NEXMIF: variants seen among roughly 807,000 people sequenced by gnomAD.
NEXMIF encodes the protein XLMR protein related to neurite extension.
In NEXMIF, 8 loss-of-function variants were observed where a neutral mutation model predicts 62.1. That is an observed-to-expected ratio of 0.13 (90% confidence interval 0.08 to 0.23). NEXMIF has a LOEUF of 0.23. NEXMIF is among the 10% of genes least tolerant of loss of function. NEXMIF has a pLI of 1.00. For missense variants in NEXMIF, 976 were observed against 1,113.3 expected (o/e 0.88, Z 1.75); for synonymous variants, 404 against 416.6 (o/e 0.97, Z 0.37).
At chrX:74,871,942 T>C (rs1008394487) in intron 1 of NEXMIF, among the ~76,000 whole-genome samples, 1 of 111,423 alleles carries the variant, frequency 9.0e-6, no homozygotes, top group Non-Finnish European at 1.9e-5. Context: ...TGAGGTGACA[T>C]ACATCCTCAG....
chrX:74,904,667 C>T (rs778036619), intron 1 of NEXMIF, among the ~76,000 whole-genome samples: 3 of 111,228 alleles, frequency 2.7e-5, no homozygotes, highest in Non-Finnish European at 3.8e-5. Flanking sequence ...ATAATTTTTA[C>T]GATGAAAAAT....
chrX:74,821,391 T>C (rs1280531589), intron 1 of NEXMIF, among the ~76,000 whole-genome samples: 3 of 112,219 alleles, frequency 2.7e-5, no homozygotes, highest in African/African-American at 6.5e-5. Context: ...CAAAAACCTA[T>C]AACTCAAATA....
At chrX:74,808,817 C>T (rs942496725) in intron 1 of NEXMIF, among the ~76,000 whole-genome samples, 1 of 111,942 alleles carries the variant, frequency 8.9e-6, no homozygotes, top group South Asian at 3.7e-4. Flanking sequence ...ATGATCCCTT[C>T]AACTTAAAAT....
At chrX:74,751,499 T>C (rs1488609999) in intron 1 of NEXMIF, among the ~76,000 whole-genome samples, 2 of 109,669 alleles carry the variant, frequency 1.8e-5, no homozygotes, top group Non-Finnish European at 3.8e-5. Context: ...TCTCTTTTTT[T>C]TTTTTTGAAA....
In NEXMIF at chrX:74,741,191, C is replaced by T; in HGVS notation, c.3366G>A (p.Gln1122=). 1 of 1,211,308 alleles carries T rather than the reference C, an allele frequency of 8.3e-7. No individual in the cohort carries two copies. Among genetic ancestry groups the T allele is most frequent in the Non-Finnish European group, 1.1e-6 (1 of 895,372 alleles). Residue 1122 remains glutamine (Q), a synonymous_variant, in exon 3 of 4, where the codon CAG becomes CAA. Coordinates refer to ENST00000055682, the MANE Select transcript of NEXMIF (RefSeq NM_001008537.3). ...IKWDCSTLSR[Q]VQMEDGFTLN... is the part of the protein sequence containing the mutation. ...AAGTAAATCCATCCTCCATTTGGAC[C>T]TGCCGTGAAAGGGTACTGCAGTCCC...
intron 1 of NEXMIF, among the ~76,000 whole-genome samples, chrX:74,829,130 C>G (rs754893271): frequency 6.3e-5 from 7 of 111,907 alleles, no homozygotes; most frequent in Non-Finnish European, 1.3e-4. Context: ...TACATGCATG[C>G]AATGAATAAT....
intron 1 of NEXMIF, among the ~76,000 whole-genome samples, chrX:74,878,728 T>C (rs183068037): frequency 1.5e-4 from 17 of 112,595 alleles, no homozygotes; most frequent in African/African-American, 5.2e-4. Context: ...AAGCGCAGTA[T>C]TCGGGTGGGA....
At chrX:74,863,679 G>T (rs2080566403) in intron 1 of NEXMIF, among the ~76,000 whole-genome samples, 1 of 111,653 alleles carries the variant, frequency 9.0e-6, no homozygotes, top group African/African-American at 3.3e-5. Flanking sequence ...TTCTACCAAA[G>T]GTACAAAGTG....
At chrX:74,847,035 C>A (rs1490033449) in intron 1 of NEXMIF, among the ~76,000 whole-genome samples, 1 of 112,221 alleles carries the variant, frequency 8.9e-6, no homozygotes, top group African/African-American at 3.2e-5. Context: ...CAGGACCCAA[C>A]CTGTACATGG....
At chrX:74,862,827 C>T in intron 1 of NEXMIF, among the ~76,000 whole-genome samples, 1 of 111,045 alleles carries the variant, frequency 9.0e-6, no homozygotes, top group Non-Finnish European at 1.9e-5. Flanking sequence ...CTCTGGAACG[C>T]AGCTAAAGCA....
rs1455414601 is a variant in NEXMIF, at chrX:74,896,160, G to A, written c.-48+28723C>T. ...GCTAAAATTCAATATAAAGCAATAA[G>A]TCCTTCTCCTCAGCAACCACCACTC... On this transcript the variant is annotated intron_variant, in intron 1 of 3. Transcript: ENST00000055682. Among the ~76,000 whole-genome samples the A allele has an allele frequency of 2.7e-5, 3 of 111,443 alleles. No homozygotes were observed. In the Admixed American group the frequency reaches 2.9e-4, roughly 11 times the overall value.
intron 1 of NEXMIF, among the ~76,000 whole-genome samples, chrX:74,891,875 C>A (rs2080718965): frequency 8.9e-6 from 1 of 112,033 alleles, no homozygotes; most frequent in Non-Finnish European, 1.9e-5. Context: ...GACATGGCTC[C>A]TTTCCCCTCA....
chrX:74,831,604 T>A (rs2080437555), intron 1 of NEXMIF, among the ~76,000 whole-genome samples: 1 of 110,719 alleles, frequency 9.0e-6, no homozygotes, highest in Non-Finnish European at 1.9e-5. Context: ...TGTTGGACAT[T>A]TGGGTTGGTT....
intron 1 of NEXMIF, among the ~76,000 whole-genome samples, chrX:74,890,727 G>C (rs1032445498): frequency 3.6e-5 from 4 of 111,288 alleles, no homozygotes; most frequent in Non-Finnish European, 7.5e-5. Flanking sequence ...TATGTCAGAG[G>C]GACAATGCCT....
intron 1 of NEXMIF, among the ~76,000 whole-genome samples, chrX:74,862,010 G>T (rs1387435282): frequency 1.8e-5 from 2 of 111,638 alleles, no homozygotes; most frequent in African/African-American, 6.5e-5. Context: ...AACCTTAAAT[G>T]TAAATGGACT....
At chrX:74,918,652 A>G (rs1286126198) in intron 1 of NEXMIF, among the ~76,000 whole-genome samples, 2 of 112,333 alleles carry the variant, frequency 1.8e-5, no homozygotes, top group Non-Finnish European at 3.8e-5. Flanking sequence ...ACAATCTCCA[A>G]ACACTAGATA....
intron 1 of NEXMIF, among the ~76,000 whole-genome samples, chrX:74,749,063 G>A (rs2080133928): frequency 9.0e-6 from 1 of 111,486 alleles, no homozygotes; most frequent in Non-Finnish European, 1.9e-5. Flanking sequence ...TTCTCAAGAT[G>A]CTCAGAGTCT....
At position 74,742,187 on chromosome X, in the gene NEXMIF, C is replaced by A. The variant is rs745720231; in HGVS notation, c.2370G>T (p.Thr790=). 1 of 1,209,611 alleles carries A rather than the reference C, an allele frequency of 8.3e-7. No homozygotes were observed. The highest frequency in any genetic ancestry group is 1.8e-5 in the African/African-American group (1 of 57,136). ...KAAKSSTFLP[T]TCSSEMPLSS... is the part of the protein sequence containing the mutation. ...ATAAAGGCATTTCAGAAGAGCATGT[C>A]GTTGGTAGAAAAGTGGAACTCTTAG... is the stretch of plus-strand genomic sequence containing the variant. The change falls in exon 3 of 4, where the codon ACG becomes ACT. Residue 790 remains threonine, a synonymous_variant. Transcript: ENST00000055682.
At chrX:74,834,380 G>A (rs2080449416) in intron 1 of NEXMIF, among the ~76,000 whole-genome samples, 1 of 110,828 alleles carries the variant, frequency 9.0e-6, no homozygotes, top group Non-Finnish European at 1.9e-5. Context: ...GTTTTTCTGT[G>A]TACTTATTAT....
Sources: gnomAD v4.1 joint callset for allele counts (sites outside exome capture counted in the v4.1 genomes callset) on GRCh38, gnomAD v4.1.1 for gene constraint, MANE v1.5 for transcripts, NCBI Gene and HGNC (gene_info 2026-07-23, HGNC 2026-07-21) for gene names.